Variants in CHSY3 observed in about 807,000 individuals in gnomAD.
The protein encoded by CHSY3 is N-acetylgalactosaminyl-proteoglycan 3-beta-glucuronosyltransferase 3.
Under a neutral mutation model 67.2 loss-of-function variants are expected in CHSY3, and 35 were observed. The ratio of observed to expected loss-of-function variants is 0.52; its 90% CI spans 0.40 to 0.69. The LOEUF is 0.69. CHSY3 is among the 30% of genes least tolerant of loss of function. CHSY3 has a pLI of 0.00. For synonymous variants in CHSY3, 474 were observed against 434.7 expected (o/e 1.09, Z -1.12); for missense variants, 1,069 against 1,138.5 (o/e 0.94, Z 0.88).
chr5:130,087,875 T>G (rs945063499), intron 2 of CHSY3, among the ~76,000 whole-genome samples: 148 of 151,242 alleles, frequency 9.8e-4, no homozygotes, highest in Non-Finnish European at 1.9e-3. Context: ...TACTTTAAAG[T>G]TCATATGGAA....
chr5:129,977,348 A>G (rs1412293577), intron 2 of CHSY3, among the ~76,000 whole-genome samples: 1 of 152,204 alleles, frequency 6.6e-6, no homozygotes, highest in East Asian at 1.9e-4. Context: ...TCCTTTAAGA[A>G]CAATGCTTTA....
At chr5:130,026,329 G>T (rs1405916063) in intron 2 of CHSY3, among the ~76,000 whole-genome samples, 1 of 152,020 alleles carries the variant, frequency 6.6e-6, no homozygotes, top group African/African-American at 2.4e-5. Context: ...AATAAAATGG[G>T]ACTAATGAAG....
chr5:129,958,215 T>C (rs1257483099), intron 2 of CHSY3, among the ~76,000 whole-genome samples: 1 of 152,172 alleles, frequency 6.6e-6, no homozygotes, highest in Non-Finnish European at 1.5e-5. Flanking sequence ...TATCAATTTG[T>C]CCTCTTCTTT....
At chr5:130,086,220 T>C (rs1766617024) in intron 2 of CHSY3, among the ~76,000 whole-genome samples, 1 of 152,106 alleles carries the variant, frequency 6.6e-6, no homozygotes, top group Non-Finnish European at 1.5e-5. Context: ...TGTTAAATTC[T>C]CCCATTATTA....
rs1471600411 is a variant in CHSY3 at position 130,158,954 on chromosome 5, C to T, written c.1087-25275C>T. ...TAGCTGGAACTGCAGGCATGTGCTACCACGTCCTGCTAATTTTTCTATTTT... is the reference window on the plus strand; with the variant it reads ...TAGCTGGAACTGCAGGCATGTGCTATCACGTCCTGCTAATTTTTCTATTTT... On this transcript the variant is annotated intron_variant, in intron 2 of 2. Coordinates refer to ENST00000305031, the MANE Select transcript of CHSY3 (RefSeq NM_175856.5). Among the ~76,000 whole-genome samples the T allele has an allele frequency of 2.0e-5, 3 of 151,958 alleles. No homozygotes were observed. The East Asian group carries it at 5.8e-4, about 29-fold the overall frequency.
At chr5:129,963,274 C>A (rs1762385542) in intron 2 of CHSY3, among the ~76,000 whole-genome samples, 1 of 151,952 alleles carries the variant, frequency 6.6e-6, no homozygotes, top group Admixed American at 6.6e-5. Flanking sequence ...CTATTTTCAT[C>A]TACTACCTTG....
At position 129,908,280 on chromosome 5, in the gene CHSY3, A is replaced by T. The variant is rs374883939; in HGVS notation, c.1006A>T (p.Met336Leu). 1.9e-6 allele frequency: 3 copies of T among 1,614,074 alleles called. No homozygotes were observed. The highest frequency in any genetic ancestry group is 1.7e-6 in the Non-Finnish European group (2 of 1,179,982). ...ACATATTGGTGAATGCCTTAGAGAA[A>T]TGTACACGACTCATGAGGATGTGGA... ...VPHIGECLRE[M>L]YTTHEDVEVG... is the part of the protein sequence containing the mutation. Residue 336 changes from methionine (M) to leucine (L), a missense_variant, in exon 2 of 3, where the codon ATG becomes TTG. Around this residue, in one of 5 missense-constraint regions of CHSY3, gnomAD observed 216 missense variants for 311.5 expected, o/e 0.69. Transcript: ENST00000305031.
intron 2 of CHSY3, among the ~76,000 whole-genome samples, chr5:129,951,103 C>T (rs1762012179): frequency 6.6e-6 from 1 of 152,134 alleles, no homozygotes; most frequent in African/African-American, 2.4e-5. Context: ...TTATGGTCAA[C>T]TAGTCTTTGA....
At chr5:129,994,310 C>G (rs1409645855) in intron 2 of CHSY3, among the ~76,000 whole-genome samples, 4 of 152,142 alleles carry the variant, frequency 2.6e-5, no homozygotes. Context: ...AGAGTGTTTT[C>G]CAACTTGGTT....
At chr5:129,959,592 G>A (rs1762273519) in intron 2 of CHSY3, among the ~76,000 whole-genome samples, 1 of 151,980 alleles carries the variant, frequency 6.6e-6, no homozygotes, top group African/African-American at 2.4e-5. Flanking sequence ...ATATATTTAT[G>A]ATCTGGAATA....
chr5:130,045,172 G>C (rs1277733795), intron 2 of CHSY3, among the ~76,000 whole-genome samples: 1 of 151,914 alleles, frequency 6.6e-6, no homozygotes, highest in Non-Finnish European at 1.5e-5. Flanking sequence ...GTTTTTAATA[G>C]AACTAAATGA....
intron 2 of CHSY3, among the ~76,000 whole-genome samples, chr5:130,023,187 G>C (rs1764442110): frequency 6.6e-6 from 1 of 151,816 alleles, no homozygotes; most frequent in African/African-American, 2.4e-5. Context: ...ACAGATGAGT[G>C]TATAGTCCTT....
rs887644318 is a variant in CHSY3, at chr5:129,905,129, C to T, written c.300C>T (p.Ser100=). ...CACCCGGGATCACCAGTTTTCGAAG[C>T]AGCCCCTGGCAGCAGCCACCTCCGC... ...EAAPGITSFR[S]SPWQQPPPLQ... Residue 100 remains serine, a synonymous_variant, in exon 1 of 3, where the codon AGC becomes AGT. Coordinates refer to ENST00000305031, the MANE Select transcript of CHSY3 (RefSeq NM_175856.5). 3.3e-6 allele frequency: 5 copies of T among 1,534,416 alleles called. No individual in the cohort carries two copies. In the African/African-American group the frequency reaches 5.5e-5, roughly 17 times the overall value.
chr5:130,005,463 A>G (rs1763849930), intron 2 of CHSY3, among the ~76,000 whole-genome samples: 1 of 152,140 alleles, frequency 6.6e-6, no homozygotes. Context: ...ATTATTGTGT[A>G]AAATAAGTTA....
chr5:130,051,075 A>G (rs147914495), intron 2 of CHSY3, among the ~76,000 whole-genome samples: 11 of 152,288 alleles, frequency 7.2e-5, no homozygotes, highest in African/African-American at 2.4e-4. Context: ...AAAGAAAAAC[A>G]TGTTTATAAT....
intron 2 of CHSY3, among the ~76,000 whole-genome samples, chr5:130,025,685 T>A (rs181632537): frequency 1.6e-3 from 245 of 152,148 alleles, no homozygotes; most frequent in African/African-American, 5.4e-3. Flanking sequence ...ACAGCTGTCT[T>A]TGGGCTGTGT....
At chr5:130,159,331 T>C (rs1295711189) in intron 2 of CHSY3, among the ~76,000 whole-genome samples, 2 of 151,348 alleles carry the variant, frequency 1.3e-5, no homozygotes, top group African/African-American at 4.9e-5. Context: ...CACTCTGCTA[T>C]TTTTTCTATT....
intron 2 of CHSY3, among the ~76,000 whole-genome samples, chr5:130,012,710 C>T (rs1009489849): frequency 6.6e-6 from 1 of 152,106 alleles, no homozygotes; most frequent in Non-Finnish European, 1.5e-5. Context: ...CAAGATTCCT[C>T]GTGTGACACA....
chr5:130,039,426 G>A (rs1764947636), intron 2 of CHSY3, among the ~76,000 whole-genome samples: 1 of 152,066 alleles, frequency 6.6e-6, no homozygotes, highest in East Asian at 1.9e-4. Flanking sequence ...AGGAGTCCAA[G>A]GTTACAGTGA....
Sources: allele counts gnomAD v4.1 joint callset (sites outside exome capture counted in the v4.1 genomes callset), GRCh38; gene constraint gnomAD v4.1.1; regional missense constraint gnomAD v4.1.1; transcripts MANE v1.5; gene names NCBI Gene and HGNC (gene_info 2026-07-23, HGNC 2026-07-21).